THRB: variants seen among roughly 807,000 people sequenced by gnomAD.
The protein encoded by THRB is nuclear receptor subfamily 1 group A member 2.
In THRB, 12 loss-of-function variants were observed where a neutral mutation model predicts 47.8. The ratio of observed to expected loss-of-function variants is 0.25; its 90% CI spans 0.16 to 0.41. The LOEUF (loss-of-function observed/expected upper bound fraction) is 0.41, where lower values mean the gene tolerates loss of function less well. THRB is among the 10% of genes least tolerant of loss of function. The probability of loss-of-function intolerance (pLI) is 1.00; values close to 1 mark genes in which losing one functional copy is unlikely to be tolerated. For synonymous variants in THRB, 218 were observed against 212.2 expected (o/e 1.03, Z -0.24); for missense variants, 348 against 589.2 (o/e 0.59, Z 4.24).
At position 24,484,327 on chromosome 3, in the gene THRB, T is replaced by C. The variant is rs147196876; in HGVS notation, c.-261+10325A>G. The stretch of plus-strand genomic sequence containing the variant: ...TGATAGAATCCCAGAGTTTTAACTC[T>C]AGAGTCCTGTCATCAAATTACAGTA... On this transcript the variant is annotated intron_variant, in intron 1 of 10. Transcript: ENST00000646209. Among the ~76,000 whole-genome samples the C allele has an allele frequency of 4.7e-4, 71 of 152,304 alleles. No individual in the cohort carries two copies. The East Asian group carries it at 6.6e-3, about 14-fold the overall frequency.
chr3:24,296,922 C>T (rs1324156019), intron 3 of THRB, among the ~76,000 whole-genome samples: 1 of 152,190 alleles, frequency 6.6e-6, no homozygotes, highest in East Asian at 1.9e-4. Flanking sequence ...TAAAATGATT[C>T]AAACTTTGGG....
chr3:24,212,126 T>C (rs1039351697), intron 4 of THRB, among the ~76,000 whole-genome samples: 2 of 151,904 alleles, frequency 1.3e-5, no homozygotes, highest in East Asian at 1.9e-4. Flanking sequence ...TGGCCAGGCA[T>C]GGTGGCTTAT....
intron 1 of THRB, among the ~76,000 whole-genome samples, chr3:24,410,853 C>T (rs1388822942): frequency 6.6e-6 from 1 of 151,800 alleles, no homozygotes; most frequent in Non-Finnish European, 1.5e-5. Flanking sequence ...CCTGAATGAT[C>T]TATGTTGGCT....
At chr3:24,262,331 T>C (rs1229883099) in intron 3 of THRB, among the ~76,000 whole-genome samples, 1 of 152,246 alleles carries the variant, frequency 6.6e-6, no homozygotes, top group East Asian at 1.9e-4. Flanking sequence ...CATTTTATTC[T>C]CAACATAGCA....
chr3:24,309,192 T>TA, intron 2 of THRB, among the ~76,000 whole-genome samples: 1 of 152,338 alleles, frequency 6.6e-6, no homozygotes, highest in South Asian at 2.1e-4. Context: ...TATTATGATT[T>TA]AAAATTCCAA....
At chr3:24,241,127 G>A (rs904403058) in intron 3 of THRB, among the ~76,000 whole-genome samples, 16 of 152,124 alleles carry the variant, frequency 1.1e-4, no homozygotes, top group Admixed American at 6.5e-4. Flanking sequence ...AATGGGAAGG[G>A]GAGTGTACCC....
chr3:24,388,388 T>C (rs2066300696), intron 1 of THRB, among the ~76,000 whole-genome samples: 1 of 152,186 alleles, frequency 6.6e-6, no homozygotes, highest in African/African-American at 2.4e-5. Context: ...TCCTGCTTAC[T>C]ACACTGTCTC....
At position 24,463,034 on chromosome 3, in the gene THRB, C is replaced by T. The variant is rs73150390; in HGVS notation, c.-261+31618G>A. On this transcript the variant is annotated intron_variant, in intron 1 of 10. Transcript: ENST00000646209. The stretch of plus-strand genomic sequence containing the variant: ...CTGGACAGAGGGGAAACTCATTCCA[C>T]AGTATCTATTTGGGCTCTGCTATTG... Among the ~76,000 whole-genome samples, 384 of 152,318 alleles carry T rather than the reference C, an allele frequency of 2.5e-3. 1 individual carries two copies. Among genetic ancestry groups the T allele is most frequent in the African/African-American group, 8.3e-3 (346 of 41,582 alleles).
intron 5 of THRB, among the ~76,000 whole-genome samples, chr3:24,155,975 C>G (rs2037770226): frequency 6.6e-6 from 1 of 152,186 alleles, no homozygotes; most frequent in African/African-American, 2.4e-5. Context: ...CTCTTGTCTG[C>G]TCAGATGTAT....
chr3:24,261,657 A>G (rs2052050379), intron 3 of THRB, among the ~76,000 whole-genome samples: 1 of 152,088 alleles, frequency 6.6e-6, no homozygotes. Flanking sequence ...TTCTCCAATC[A>G]GACTTAGTTC....
rs566039366 is a variant in THRB at position 24,208,361 on chromosome 3, A to G, written c.23-18027T>C. ...TGGAAAAAACTACTTTAAAGTTCAT[A>G]TGGAACGAAAAAAGAGCCCGCATTG... On this transcript the variant is annotated intron_variant, in intron 4 of 10. Coordinates refer to ENST00000646209, the MANE Select transcript of THRB (RefSeq NM_001354712.2). 8.1e-3 allele frequency among the ~76,000 whole-genome samples: 1,235 copies of G among 152,298 alleles called. 13 individuals carry two copies. The highest frequency in any genetic ancestry group is 0.027 in the African/African-American group (1,121 of 41,540).
intron 1 of THRB, among the ~76,000 whole-genome samples, chr3:24,339,921 T>C (rs1413765175): frequency 6.6e-6 from 1 of 152,218 alleles, no homozygotes; most frequent in Non-Finnish European, 1.5e-5. Context: ...GGAGCACAAA[T>C]ATATTAACAG....
At chr3:24,337,149 T>C (rs983250862) in intron 2 of THRB, among the ~76,000 whole-genome samples, 151 bp downstream of exon 2, 7 of 152,332 alleles carry the variant, frequency 4.6e-5, no homozygotes, top group African/African-American at 1.2e-4. Context: ...TTTAATGCTT[T>C]ATATTTTTTC....
intron 3 of THRB, among the ~76,000 whole-genome samples, chr3:24,291,565 T>A (rs540971656): frequency 2.5e-4 from 38 of 152,326 alleles, no homozygotes; most frequent in African/African-American, 9.1e-4. Flanking sequence ...TTATGATACA[T>A]AATGCAATGT....
At chr3:24,266,115 G>C (rs826232) in intron 3 of THRB, among the ~76,000 whole-genome samples, 3 of 151,974 alleles carry the variant, frequency 2.0e-5, no homozygotes, top group Non-Finnish European at 4.4e-5. Flanking sequence ...GAAATTGATA[G>C]GGTTTTTGAG....
intron 3 of THRB, among the ~76,000 whole-genome samples, chr3:24,279,612 G>T (rs1399075887): frequency 2.0e-5 from 3 of 150,346 alleles, no homozygotes; most frequent in Non-Finnish European, 4.4e-5. Context: ...AGCCAGGATG[G>T]TCTCTATCTC....
chr3:24,230,592 G>A, intron 3 of THRB, among the ~76,000 whole-genome samples: 1 of 152,152 alleles, frequency 6.6e-6, no homozygotes, highest in East Asian at 1.9e-4. Context: ...CTGAGCTGCT[G>A]TAGGTGAGAG....
At chr3:24,408,575 T>G (rs1479201575) in intron 1 of THRB, among the ~76,000 whole-genome samples, 1 of 151,818 alleles carries the variant, frequency 6.6e-6, no homozygotes, top group Admixed American at 6.6e-5. Context: ...ATTTGTTTCC[T>G]GCTAACAGAA....
At chr3:24,482,443 C>A (rs1696586202) in intron 1 of THRB, among the ~76,000 whole-genome samples, 1 of 152,242 alleles carries the variant, frequency 6.6e-6, no homozygotes, top group East Asian at 1.9e-4. Flanking sequence ...CCTTTCAATG[C>A]AAGCATAGAT....
Sources: allele counts gnomAD v4.1 joint callset (sites outside exome capture counted in the v4.1 genomes callset), GRCh38; gene constraint gnomAD v4.1.1; transcripts MANE v1.5; gene names NCBI Gene and HGNC (gene_info 2026-07-23, HGNC 2026-07-21).